Variants in MACF1 observed in about 807,000 individuals in gnomAD.
MACF1 encodes microtubule actin crosslinking factor 1, also known as microtubule-actin cross-linking factor 1.
A neutral mutation model predicts 854.8 loss-of-function variants in MACF1; 193 were observed. The ratio of observed to expected loss-of-function variants is 0.23; its 90% confidence interval spans 0.20 to 0.25. MACF1 has a LOEUF of 0.25. MACF1 is among the 10% of genes least tolerant of loss of function. The pLI, the probability that MACF1 is intolerant of heterozygous loss-of-function variation, is 1.00. For synonymous variants in MACF1, 3,185 were observed against 3,226.7 expected, an observed-to-expected ratio of 0.99 and a Z score of 0.44; for missense variants, 7,722 against 8,929.1, an observed-to-expected ratio of 0.86 and a Z score of 5.45.
chr1:39,455,104 T>C lies in MACF1; in HGVS notation c.21075+7T>C, dbSNP rs1448738866. ...CCTTATCGCTGAGCATCAGGTATCT[T>C]AACCTCACTGTGTGATCACTGGTGT... On this transcript the variant is annotated splice_region_variant and intron_variant, in intron 89 of 100. Transcript: ENST00000564288. The C allele has an allele frequency of 6.2e-7, 1 of 1,612,906 alleles. No individual in the cohort carries two copies. The highest frequency in any genetic ancestry group is 1.7e-5 in the Admixed American group (1 of 59,928).
chr1:39,416,644 T>C (rs949119017), intron 58 of MACF1, among the ~76,000 whole-genome samples: 4 of 152,238 alleles, frequency 2.6e-5, no homozygotes, highest in Admixed American at 6.5e-5. Context: ...CCTTGTTTCC[T>C]CATCTGCAAA....
chr1:39,172,524 G>A (rs1327903464), intron 2 of MACF1, among the ~76,000 whole-genome samples: 3 of 152,064 alleles, frequency 2.0e-5, no homozygotes, highest in Non-Finnish European at 4.4e-5. Context: ...GAGCCATGTG[G>A]GGCCTTATTA....
chr1:39,438,375 G>A (rs112064002), intron 71 of MACF1, among the ~76,000 whole-genome samples: 31 of 152,238 alleles, frequency 2.0e-4, no homozygotes, highest in Non-Finnish European at 4.1e-4. Context: ...CCTTTTGTAA[G>A]TTAGGGGTTT....
At chr1:39,462,824 T>C (rs561338054) in intron 93 of MACF1, among the ~76,000 whole-genome samples, 5 of 152,228 alleles carry the variant, frequency 3.3e-5, no homozygotes, top group Admixed American at 2.6e-4. Context: ...ACTGCCAAAT[T>C]TATTAGTGCC....
rs1198078024 is a variant in MACF1 at position 39,439,251 on chromosome 1, A to G, written c.18221-23A>G. ...AGGCTCTTCAGAAAGTCCTATTCAT[A>G]TCTCTTTTTTTAACCTCCTCAGAAA... On this transcript the variant is annotated intron_variant, in intron 71 of 100. Transcript: ENST00000564288. 3 of 1,475,170 alleles carry G rather than the reference A, an allele frequency of 2.0e-6. No homozygotes were observed. In the South Asian group the frequency reaches 3.4e-5, roughly 17 times the overall value. The allele number at this position is 1,475,170 out of a possible 1,614,324, so 91.4% of individuals were successfully genotyped here. A position where few individuals can be genotyped will look rare whatever the true frequency, so the allele number is the denominator to read the frequency against.
rs745515847 is a variant in MACF1 at position 39,285,382 on chromosome 1, C to T, written c.1345C>T (p.Leu449=). ...EEKLTLAKNT[L]QADAAHLESG... is the part of the protein sequence containing the mutation. The stretch of plus-strand genomic sequence containing the variant: ...AAAACTGACACTAGCTAAGAATACA[C>T]TGCAGGCTGTAAGTCTCTGACTGTT... The change falls in exon 13 of 101, where the codon CTG becomes TTG. Residue 449 remains leucine (L), a synonymous_variant. Transcript: ENST00000564288. The T allele has an allele frequency of 6.2e-7, 1 of 1,613,908 alleles. No homozygotes were observed. The highest frequency in any genetic ancestry group is 8.5e-7 in the Non-Finnish European group (1 of 1,180,020).
At chr1:39,290,915 TC>T (rs1645768130) in intron 15 of MACF1, among the ~76,000 whole-genome samples, 1 of 151,872 alleles carries the variant, frequency 6.6e-6, no homozygotes, top group Admixed American at 6.6e-5. Flanking sequence ...CCTCAGGTGA[TC>T]CGCCCACCTT....
chr1:39,172,617 A>G (rs1283488982), intron 2 of MACF1, among the ~76,000 whole-genome samples: 1 of 152,216 alleles, frequency 6.6e-6, no homozygotes, highest in Non-Finnish European at 1.5e-5. Context: ...TGGGGATTTC[A>G]AGGCCAGGCT....
At chr1:39,356,235 C>T (rs1329851241) in intron 44 of MACF1, among the ~76,000 whole-genome samples, 2 of 152,220 alleles carry the variant, frequency 1.3e-5, no homozygotes, top group East Asian at 3.9e-4. Flanking sequence ...ACAGTACATA[C>T]AAATAAAAAG....
chr1:39,325,990 G>T (rs567448702), intron 35 of MACF1, among the ~76,000 whole-genome samples: 1 of 152,294 alleles, frequency 6.6e-6, no homozygotes, highest in East Asian at 1.9e-4. Context: ...CAGCCTTAGT[G>T]TAGGAGCAGA....
In MACF1 at chr1:39,454,940, G is replaced by A. The variant is rs1408242184; in HGVS notation, c.20918G>A (p.Arg6973His). 5 of 1,614,146 alleles carry A rather than the reference G, an allele frequency of 3.1e-6. No individual in the cohort carries two copies. The highest frequency in any genetic ancestry group is 3.4e-6 in the Non-Finnish European group (4 of 1,180,004). The change falls in exon 89 of 101, where the codon CGT (arginine) becomes CAT (histidine). Residue 6973 changes from arginine to histidine, a missense_variant. By Grantham distance (29) the Arg-to-His change is conservative (BLOSUM62 0). Coordinates refer to ENST00000564288, the MANE Select transcript of MACF1 (RefSeq NM_001394062.1). ...VLTWAKQHQQRLETALSELVA... is the reference protein window; with the variant it reads ...VLTWAKQHQQHLETALSELVA... Reference sequence around the variant, plus strand: ...ACATGGGCTAAGCAGCACCAGCAGCGTCTTGAAACGGCCTTGTCAGAACTG... The same window carrying A: ...ACATGGGCTAAGCAGCACCAGCAGCATCTTGAAACGGCCTTGTCAGAACTG...
chr1:39,121,192 C>G (rs975476445), intron 2 of MACF1: 2 of 152,134 alleles, frequency 1.3e-5, no homozygotes, highest in Admixed American at 1.3e-4. Flanking sequence ...CTCTTGTTCC[C>G]CATAAGGAAA....
chr1:39,304,226 C>T (rs1646120438), intron 23 of MACF1: 1 of 272,742 alleles, frequency 3.7e-6, no homozygotes, highest in African/African-American at 2.4e-5. Flanking sequence ...TGTTCCCCTT[C>T]CTGTGTCCAA....
In MACF1 at chr1:39,335,179, T is replaced by G. The variant is rs1269035836; in HGVS notation, c.8591T>G (p.Phe2864Cys). Residue 2864 changes from phenylalanine to cysteine, a missense_variant, in exon 37 of 101, where the codon TTT becomes TGT. By Grantham distance (205) the Phe-to-Cys change is radical (BLOSUM62 -2). Coordinates refer to ENST00000564288, the MANE Select transcript of MACF1 (RefSeq NM_001394062.1). Reference sequence around the variant, plus strand: ...AGAATGTCTTCAGATGCTAAAGAATTTATCAGTATCATAAATCCTCATAAT... The same window carrying G: ...AGAATGTCTTCAGATGCTAAAGAATGTATCAGTATCATAAATCCTCATAAT... ...KPRMSSDAKE[F>C]ISIINPHNLK... 5 of 1,613,878 alleles carry G rather than the reference T, an allele frequency of 3.1e-6. No individual in the cohort carries two copies. Among genetic ancestry groups the G allele is most frequent in the African/African-American group, 2.7e-5 (2 of 74,886 alleles).
In MACF1 at chr1:39,442,907, A is replaced by G. The variant is rs1371214084; in HGVS notation, c.19298A>G (p.Gln6433Arg). 4.3e-6 allele frequency: 7 copies of G among 1,613,370 alleles called. No homozygotes were observed. The highest frequency in any genetic ancestry group is 3.3e-4 in the Middle Eastern group (2 of 6,060). Residue 6433 changes from glutamine to arginine, a missense_variant, in exon 78 of 101, where the codon CAG (glutamine) becomes CGG (arginine). Physicochemically the swap from Gln to Arg is conservative, Grantham distance 43 (BLOSUM62 1). Coordinates refer to ENST00000564288, the MANE Select transcript of MACF1 (RefSeq NM_001394062.1). ...GAGCAGCAGCTTCAGTCAACTCTGCAGCAGGTACATGTGACATCCAAGTAA... is the reference window on the plus strand; with the variant it reads ...GAGCAGCAGCTTCAGTCAACTCTGCGGCAGGTACATGTGACATCCAAGTAA... ...EREQQLQSTL[Q>R]QAQGFHSEIE...
intron 44 of MACF1, among the ~76,000 whole-genome samples, chr1:39,354,722 C>T (rs1469974230): frequency 3.3e-5 from 5 of 152,294 alleles, no homozygotes; most frequent in African/African-American, 1.2e-4. Context: ...TACTTTGTAG[C>T]ATTTCTCATT....
intron 6 of MACF1, among the ~76,000 whole-genome samples, chr1:39,267,805 C>T (rs1305298060): frequency 6.6e-6 from 1 of 152,126 alleles, no homozygotes; most frequent in Non-Finnish European, 1.5e-5. Flanking sequence ...TACTCAAAAC[C>T]AACTTCCAGA....
chr1:39,360,040 T>A (rs1648012560), intron 47 of MACF1, among the ~76,000 whole-genome samples: 3 of 58,938 alleles, frequency 5.1e-5, no homozygotes, highest in African/African-American at 1.4e-4. Context: ...TATATATATA[T>A]ATATATATAT....
chr1:39,240,215 T>C (rs1644906721), intron 2 of MACF1, among the ~76,000 whole-genome samples: 1 of 152,238 alleles, frequency 6.6e-6, no homozygotes, highest in South Asian at 2.1e-4. Flanking sequence ...TATTCATGTC[T>C]ATGGGAAATA....
Sources: gnomAD v4.1 joint callset for allele counts (sites outside exome capture counted in the v4.1 genomes callset) on GRCh38, gnomAD v4.1.1 for gene constraint, MANE v1.5 for transcripts, NCBI Gene and HGNC (gene_info 2026-07-23, HGNC 2026-07-21) for gene names.